Variants in CLVS1 observed in about 807,000 individuals in gnomAD.
CLVS1 encodes clavesin-1.
CLVS1 carries 10 observed loss-of-function variants against 33.1 expected under a neutral mutation model. The ratio of observed to expected loss-of-function variants is 0.30; its 90% CI spans 0.19 to 0.51. CLVS1 has a LOEUF of 0.51. Ranked by LOEUF, CLVS1 falls within the 20% of genes least tolerant of loss-of-function variation. The probability of loss-of-function intolerance (pLI) is 0.97; values close to 1 mark genes in which losing one functional copy is unlikely to be tolerated. For missense variants in CLVS1, 343 were observed against 433.4 expected (o/e 0.79, Z 1.85); for synonymous variants, 163 against 166.1 (o/e 0.98, Z 0.14).
chr8:60,989,414 C>G, the CLVS1 span, among the ~76,000 whole-genome samples: 1 of 152,026 alleles, frequency 6.6e-6, no homozygotes, highest in Non-Finnish European at 1.5e-5. Flanking sequence ...TCCTGACAGG[C>G]GATCCACCCA....
At chr8:61,344,946 T>A (rs893147374) in intron 2 of CLVS1, among the ~76,000 whole-genome samples, 3 of 151,952 alleles carry the variant, frequency 2.0e-5, no homozygotes, top group Non-Finnish European at 4.4e-5. Context: ...CCACATAGAC[T>A]GGATAAAATG....
Position 61,288,087 on chromosome 8 carries a change from A to T in CLVS1, c.-203A>T. On this transcript the variant is annotated 5_prime_UTR_variant, in exon 1 of 6. Transcript: ENST00000325897. ...ATCTCACCCACCCAGTTCAGCAGCG[A>T]GGACACCTGCAGAAATACATTCCCA... 1 of 456,274 alleles carries T rather than the reference A, an allele frequency of 2.2e-6. No individual in the cohort carries two copies. The highest frequency in any genetic ancestry group is 1.5e-5 in the South Asian group (1 of 64,558). 28.3% of individuals were successfully genotyped at this position (456,274 alleles called of 1,614,324 possible).
chr8:61,079,128 G>C (rs988433653), intron 1 of CLVS1, among the ~76,000 whole-genome samples: 2 of 152,180 alleles, frequency 1.3e-5, no homozygotes, highest in Admixed American at 1.3e-4. Context: ...AGAGTAAAAA[G>C]AGTAGTGGTG....
chr8:61,040,728 T>C, the CLVS1 span, among the ~76,000 whole-genome samples: 1 of 152,222 alleles, frequency 6.6e-6, no homozygotes, highest in Non-Finnish European at 1.5e-5. Flanking sequence ...TTGTGGATAT[T>C]AGACCTTTGT....
At chr8:61,412,221 A>G in intron 3 of CLVS1, among the ~76,000 whole-genome samples, 1 of 152,370 alleles carries the variant, frequency 6.6e-6, no homozygotes, top group Admixed American at 6.5e-5. Flanking sequence ...AGTAATTAAG[A>G]CATACATTTT....
the CLVS1 span, among the ~76,000 whole-genome samples, chr8:61,006,749 C>A: frequency 6.6e-6 from 1 of 152,126 alleles, no homozygotes; most frequent in African/African-American, 2.4e-5. Flanking sequence ...GAAGCCTGAG[C>A]CTGCTCTGTT....
chr8:61,482,293 T>C (rs927146237), intron 5 of CLVS1, among the ~76,000 whole-genome samples: 3 of 152,202 alleles, frequency 2.0e-5, no homozygotes, highest in African/African-American at 7.2e-5. Context: ...AGAGTGCCTC[T>C]TCTCCTCCAA....
At chr8:61,235,127 T>A (rs1407965332) in intron 2 of CLVS1, among the ~76,000 whole-genome samples, 1 of 151,814 alleles carries the variant, frequency 6.6e-6, no homozygotes, top group East Asian at 1.9e-4. Flanking sequence ...GGAGAGAGCA[T>A]CTCAATGACT....
chr8:61,467,553 G>T (rs141187369), intron 5 of CLVS1, among the ~76,000 whole-genome samples: 27 of 152,252 alleles, frequency 1.8e-4, no homozygotes, highest in African/African-American at 5.1e-4. Context: ...GGACAGGCAC[G>T]GGTACAAATC....
intron 2 of CLVS1, among the ~76,000 whole-genome samples, chr8:61,193,673 T>A (rs945200602): frequency 3.3e-5 from 5 of 151,858 alleles, no homozygotes; most frequent in African/African-American, 1.2e-4. Flanking sequence ...CTATCAAGAA[T>A]GAAGGTAAAA....
At chr8:61,330,171 A>G (rs1408809272) in intron 2 of CLVS1, among the ~76,000 whole-genome samples, 1 of 152,074 alleles carries the variant, frequency 6.6e-6, no homozygotes, top group Non-Finnish European at 1.5e-5. Context: ...TGTGTGTACC[A>G]TCTCCAAGGC....
At chr8:61,384,168 T>C (rs1391910002) in intron 3 of CLVS1, among the ~76,000 whole-genome samples, 3 of 152,154 alleles carry the variant, frequency 2.0e-5, no homozygotes, top group African/African-American at 7.2e-5. Context: ...CACAGCTCAG[T>C]AGGAGAGAGA....
At chr8:61,193,844 T>C (rs1308885435) in intron 2 of CLVS1, among the ~76,000 whole-genome samples, 1 of 152,062 alleles carries the variant, frequency 6.6e-6, no homozygotes, top group African/African-American at 2.4e-5. Context: ...TTTGGGTAAA[T>C]TTAAGCAAAC....
intron 2 of CLVS1, among the ~76,000 whole-genome samples, chr8:61,191,234 T>TA (rs1156332879): frequency 6.6e-6 from 1 of 152,178 alleles, no homozygotes; most frequent in Non-Finnish European, 1.5e-5. Context: ...TGCAAATCAA[T>TA]AAACGTAATC....
intron 1 of CLVS1, among the ~76,000 whole-genome samples, chr8:61,077,230 C>G (rs1178798329): frequency 4.6e-5 from 7 of 150,848 alleles, no homozygotes; most frequent in Non-Finnish European, 1.0e-4. Flanking sequence ...CCTGCCACCA[C>G]ACCCGCTAAT....
chr8:61,234,063 G>A (rs1275512855), intron 2 of CLVS1, among the ~76,000 whole-genome samples: 1 of 152,226 alleles, frequency 6.6e-6, no homozygotes, highest in African/African-American at 2.4e-5. Flanking sequence ...TACTTGGGAA[G>A]GGATGATGGG....
the CLVS1 span, among the ~76,000 whole-genome samples, chr8:61,034,228 A>G: frequency 6.6e-6 from 1 of 152,282 alleles, no homozygotes; most frequent in Middle Eastern, 3.4e-3. Context: ...TACCTATTTC[A>G]TTTCATTTAT....
the CLVS1 span, among the ~76,000 whole-genome samples, chr8:61,030,122 A>G: frequency 1.3e-5 from 2 of 152,258 alleles, no homozygotes; most frequent in South Asian, 2.1e-4. Flanking sequence ...GGGGATGGCC[A>G]TGTGTTGACC....
intron 2 of CLVS1, among the ~76,000 whole-genome samples, chr8:61,342,629 A>C (rs1175685632): frequency 2.6e-5 from 4 of 152,190 alleles, no homozygotes; most frequent in Admixed American, 6.5e-5. Flanking sequence ...CTTTGGCGAA[A>C]AACATGAGCG....
Sources: allele counts gnomAD v4.1 joint callset (sites outside exome capture counted in the v4.1 genomes callset), GRCh38; gene constraint gnomAD v4.1.1; transcripts MANE v1.5; gene names NCBI Gene and HGNC (gene_info 2026-07-23, HGNC 2026-07-21).